Variants in KIAA1958 observed in about 807,000 individuals in gnomAD.
The protein encoded by KIAA1958 is KIAA1958.
In KIAA1958, 14 loss-of-function variants were observed where a neutral mutation model predicts 47.2. That is an observed-to-expected ratio of 0.30 (90% CI 0.20 to 0.46). The LOEUF (loss-of-function observed/expected upper bound fraction) is 0.46. KIAA1958 is among the 20% of genes least tolerant of loss of function. The pLI, the probability that KIAA1958 is intolerant of heterozygous loss-of-function variation, is 1.00. For synonymous variants in KIAA1958, 354 were observed against 353.3 expected (o/e 1.00, Z -0.02); for missense variants, 803 against 909.2 (o/e 0.88, Z 1.50).
intron 2 of KIAA1958, among the ~76,000 whole-genome samples, chr9:112,610,764 G>A (rs575773892): frequency 6.6e-6 from 1 of 152,226 alleles, no homozygotes; most frequent in Non-Finnish European, 1.5e-5. Context: ...TCTTATGCCA[G>A]CAGAACTATA....
intron 1 of KIAA1958, among the ~76,000 whole-genome samples, chr9:112,489,575 A>G (rs1245960226): frequency 5.3e-5 from 8 of 152,008 alleles, no homozygotes; most frequent in Admixed American, 4.6e-4. Flanking sequence ...AGAACCTTAC[A>G]TATTTTCAGC....
chr9:112,496,750 C>G (rs1013024679), intron 1 of KIAA1958, among the ~76,000 whole-genome samples: 2 of 152,140 alleles, frequency 1.3e-5, no homozygotes, highest in Non-Finnish European at 2.9e-5. Flanking sequence ...CGTTCTCCCC[C>G]AGAAGCTCAG....
At chr9:112,575,382 A>G (rs1030516883) in intron 2 of KIAA1958, 131 bp downstream of exon 2, 13 of 617,656 alleles carry the variant, frequency 2.1e-5, no homozygotes, top group Middle Eastern at 4.0e-4. Context: ...GATAGAAACA[A>G]TGACTGTGTT....
Position 112,645,804 on chromosome 9 carries a change from C to T in KIAA1958, c.1326C>T (p.Asp442=), listed in dbSNP as rs1267644472. The change falls in exon 3 of 4, where the codon GAC becomes GAT. Residue 442 remains aspartate, a synonymous_variant. Coordinates refer to ENST00000337530, the MANE Select transcript of KIAA1958 (RefSeq NM_133465.4). ...RYWCMTNGLK[D]HTDITKIPAV... ...GGTGCATGACCAACGGGCTCAAAGACCACACAGACATCACCAAGGTAAGGG... is the reference window on the plus strand; with the variant it reads ...GGTGCATGACCAACGGGCTCAAAGATCACACAGACATCACCAAGGTAAGGG... 1 of 1,612,842 alleles carries T rather than the reference C, an allele frequency of 6.2e-7. No individual in the cohort carries two copies.
At chr9:112,605,134 C>G (rs761916982) in intron 2 of KIAA1958, among the ~76,000 whole-genome samples, 13 of 151,410 alleles carry the variant, frequency 8.6e-5, no homozygotes, top group Non-Finnish European at 1.6e-4. Flanking sequence ...AAAGCTGTCT[C>G]TAAGCATTTC....
At position 112,663,657 on chromosome 9, in the gene KIAA1958, A is replaced by G. The variant is rs1837314530; in HGVS notation, c.*3588A>G. 6.6e-6 allele frequency: 1 copy of G among 152,190 alleles called. No individual in the cohort carries two copies. The highest frequency in any genetic ancestry group is 1.5e-5 in the Non-Finnish European group (1 of 68,028). 9.4% of individuals were successfully genotyped at this position (152,190 alleles called of 1,614,324 possible). A position where few individuals can be genotyped will look rare whatever the true frequency, so the allele number is the denominator to read the frequency against. ...TGGGGCTTTATGAGAAGGTTTTTCC[A>G]TTGTTTAGTGTGTTTGCAAAAAGGA... is the stretch of plus-strand genomic sequence containing the variant. On this transcript the variant is annotated 3_prime_UTR_variant, in exon 4 of 4. Coordinates refer to ENST00000337530, the MANE Select transcript of KIAA1958 (RefSeq NM_133465.4).
rs1352825819 is a variant in KIAA1958, at chr9:112,667,210, CA to C, written c.*7142del. The C allele has an allele frequency of 2.6e-5, 4 of 152,168 alleles. No individual in the cohort carries two copies. The highest frequency in any genetic ancestry group is 5.9e-5 in the Non-Finnish European group (4 of 68,044). 9.4% of individuals were successfully genotyped at this position (152,168 alleles called of 1,614,324 possible). ...GAAAAAGGGATTCAACAAACATTCA[CA>C]TGAACAGGGTCTGGGAAGAAAGGAC... On this transcript the variant is annotated 3_prime_UTR_variant, in exon 4 of 4. Coordinates refer to ENST00000337530, the MANE Select transcript of KIAA1958 (RefSeq NM_133465.4).
intron 2 of KIAA1958, among the ~76,000 whole-genome samples, chr9:112,641,375 TGA>T (rs1836887127): frequency 6.7e-6 from 1 of 149,684 alleles, no homozygotes; most frequent in Non-Finnish European, 1.5e-5. Flanking sequence ...ATGAGAAATC[TGA>T]TTCTTCTCGC....
chr9:112,556,466 A>G (rs1835244544), intron 1 of KIAA1958, among the ~76,000 whole-genome samples: 3 of 152,216 alleles, frequency 2.0e-5, no homozygotes, highest in Admixed American at 1.3e-4. Flanking sequence ...AATTGTATAT[A>G]GTACAGCCCT....
At chr9:112,593,374 A>G (rs1035745313) in intron 2 of KIAA1958, among the ~76,000 whole-genome samples, 2 of 152,192 alleles carry the variant, frequency 1.3e-5, no homozygotes, top group Non-Finnish European at 2.9e-5. Flanking sequence ...GGAGGGGGTC[A>G]GTGAAAGCTG....
At chr9:112,653,669 G>C (rs1295701745) in intron 3 of KIAA1958, among the ~76,000 whole-genome samples, 3 of 152,204 alleles carry the variant, frequency 2.0e-5, no homozygotes, top group African/African-American at 7.2e-5. Flanking sequence ...GGGAGGCCAA[G>C]GCGGGCGGAT....
chr9:112,615,918 G>T (rs542508795), intron 2 of KIAA1958, among the ~76,000 whole-genome samples: 1 of 152,330 alleles, frequency 6.6e-6, no homozygotes, highest in East Asian at 1.9e-4. Flanking sequence ...AAGATCCCAT[G>T]TGAAAGTTGG....
chr9:112,593,648 A>G (rs1835964740), intron 2 of KIAA1958, among the ~76,000 whole-genome samples: 1 of 152,078 alleles, frequency 6.6e-6, no homozygotes, highest in African/African-American at 2.4e-5. Context: ...CCTGGCTTCA[A>G]GCAGTCCTCC....
chr9:112,583,117 A>G (rs1002454595), intron 2 of KIAA1958, among the ~76,000 whole-genome samples: 4 of 152,178 alleles, frequency 2.6e-5, no homozygotes, highest in South Asian at 2.1e-4. Flanking sequence ...CTTCCTATCT[A>G]TGTGAGAGAA....
intron 2 of KIAA1958, among the ~76,000 whole-genome samples, chr9:112,593,961 C>T (rs2131192988): frequency 6.6e-6 from 1 of 152,024 alleles, no homozygotes; most frequent in Admixed American, 6.5e-5. Context: ...AGCTCCTGGG[C>T]TCAAGCAATC....
At chr9:112,602,447 A>T (rs1588035651) in intron 2 of KIAA1958, among the ~76,000 whole-genome samples, 1 of 152,182 alleles carries the variant, frequency 6.6e-6, no homozygotes, top group Non-Finnish European at 1.5e-5. Context: ...TTTCAGATGA[A>T]TGCATCTATG....
intron 1 of KIAA1958, among the ~76,000 whole-genome samples, chr9:112,512,900 C>T (rs1441391829): frequency 6.6e-6 from 1 of 152,034 alleles, no homozygotes; most frequent in Non-Finnish European, 1.5e-5. Context: ...TGCAGTGGCA[C>T]GATCTTGGCT....
At chr9:112,489,102 C>A (rs1267300447) in intron 1 of KIAA1958, among the ~76,000 whole-genome samples, 1 of 152,172 alleles carries the variant, frequency 6.6e-6, no homozygotes, top group Admixed American at 6.5e-5. Context: ...CGTTCCTTGT[C>A]CCTCTCCATT....
rs543470597 is a variant in KIAA1958, at chr9:112,594,865, A to G, written c.1171+19614A>G. The stretch of plus-strand genomic sequence containing the variant: ...TCCCACCAGTAATGTATGTGGGTCC[A>G]GTTTCTCCACATCCCTGCCAACATG... On this transcript the variant is annotated intron_variant, in intron 2 of 3. Coordinates refer to ENST00000337530, the MANE Select transcript of KIAA1958 (RefSeq NM_133465.4). Among the ~76,000 whole-genome samples, 3 of 152,324 alleles carry G rather than the reference A, an allele frequency of 2.0e-5. No homozygotes were observed. The East Asian group carries it at 5.8e-4, about 29-fold the overall frequency.
Sources: gnomAD v4.1 joint callset for allele counts (sites outside exome capture counted in the v4.1 genomes callset) on GRCh38, gnomAD v4.1.1 for gene constraint, MANE v1.5 for transcripts, NCBI Gene and HGNC (gene_info 2026-07-23, HGNC 2026-07-21) for gene names.